PRR11: variants seen among roughly 807,000 people sequenced by gnomAD.
PRR11 encodes proline-rich protein 11.
In PRR11, 30 loss-of-function variants were observed where a neutral mutation model predicts 45.6. That is an observed-to-expected ratio of 0.66 (90% CI 0.49 to 0.89). The LOEUF is 0.89. Among genes scored for constraint, PRR11 ranks in the 40% least tolerant of loss-of-function variants. The pLI, the probability that PRR11 is intolerant of heterozygous loss-of-function variation, is 0.00. For synonymous variants in PRR11, 128 were observed against 153.5 expected (o/e 0.83, Z 1.23); for missense variants, 373 against 424.8 (o/e 0.88, Z 1.07).
chr17:59,199,939 C>A (rs1198577919), intron 9 of PRR11, among the ~76,000 whole-genome samples: 2 of 152,182 alleles, frequency 1.3e-5, no homozygotes, highest in African/African-American at 4.8e-5. Flanking sequence ...AGGGCAGGAG[C>A]AAAGGGACGA....
At chr17:59,182,839 G>A (rs1276394219) in intron 2 of PRR11, among the ~76,000 whole-genome samples, 1 of 152,148 alleles carries the variant, frequency 6.6e-6, no homozygotes, top group East Asian at 1.9e-4. Flanking sequence ...TCCTGGGGGT[G>A]CGGTTGATGG....
intron 2 of PRR11, among the ~76,000 whole-genome samples, chr17:59,176,198 G>A (rs1284891789): frequency 1.3e-5 from 2 of 152,166 alleles, no homozygotes; most frequent in Non-Finnish European, 2.9e-5. Context: ...GAGGGCATTT[G>A]GAAAGAGCGG....
chr17:59,182,022 A>G (rs1454338616), intron 2 of PRR11, among the ~76,000 whole-genome samples: 1 of 96,088 alleles, frequency 1.0e-5, no homozygotes, highest in South Asian at 3.4e-4. Flanking sequence ...TTTTTTTGTT[A>G]TTGGTTTTTT....
At chr17:59,184,593 G>C (rs8066918) in intron 2 of PRR11, among the ~76,000 whole-genome samples, 9 of 152,180 alleles carry the variant, frequency 5.9e-5, no homozygotes, top group Admixed American at 1.3e-4. Flanking sequence ...TGCTATGGAA[G>C]TCCCATTGGT....
chr17:59,178,015 A>AG (rs2046758300), intron 2 of PRR11, among the ~76,000 whole-genome samples: 1 of 151,738 alleles, frequency 6.6e-6, no homozygotes, highest in Non-Finnish European at 1.5e-5. Flanking sequence ...AAAAAAAAAA[A>AG]AACAGGTGGG....
intron 4 of PRR11, among the ~76,000 whole-genome samples, chr17:59,189,171 A>G (rs1195630962): frequency 6.6e-6 from 1 of 150,674 alleles, no homozygotes; most frequent in East Asian, 2.0e-4. Context: ...GTGGTGGCGC[A>G]TGTCCATAGT....
chr17:59,162,123 G>A (rs2046655468), intron 1 of PRR11, among the ~76,000 whole-genome samples: 1 of 152,050 alleles, frequency 6.6e-6, no homozygotes, highest in African/African-American at 2.4e-5. Context: ...TACCCTGACA[G>A]ATTTTGCATG....
intron 2 of PRR11, among the ~76,000 whole-genome samples, chr17:59,174,317 T>A (rs1389225907): frequency 6.6e-6 from 1 of 152,142 alleles, no homozygotes; most frequent in Non-Finnish European, 1.5e-5. Context: ...AAACCCTGAG[T>A]CCAGAAGCCT....
At chr17:59,165,794 A>T (rs1180335252) in intron 1 of PRR11, among the ~76,000 whole-genome samples, 1 of 151,524 alleles carries the variant, frequency 6.6e-6, no homozygotes, top group East Asian at 1.9e-4. Flanking sequence ...CTCTGTCTCA[A>T]AAAAAAAACA....
chr17:59,179,812 G>A (rs1347986036), intron 2 of PRR11: 8 of 1,352,304 alleles, frequency 5.9e-6, no homozygotes, highest in South Asian at 2.3e-5. Context: ...CCTCAGATTC[G>A]TCCGACCACT....
rs151147235 is a variant in PRR11, at chr17:59,183,816, A to T, written c.129-1238A>T. Among the ~76,000 whole-genome samples, 463 of 152,300 alleles carry T rather than the reference A, an allele frequency of 3.0e-3. 4 individuals carry two copies. Among genetic ancestry groups the T allele is most frequent in the Non-Finnish European group, 4.6e-3 (314 of 68,026 alleles). ...CAAAAAGACTAAGTCGAAAAATCTCAGCTGTGCACAGTGGCTCATGTTTGT... is the reference window on the plus strand; with the variant it reads ...CAAAAAGACTAAGTCGAAAAATCTCTGCTGTGCACAGTGGCTCATGTTTGT... On this transcript the variant is annotated intron_variant, in intron 2 of 9. Transcript: ENST00000262293.
intron 1 of PRR11, among the ~76,000 whole-genome samples, chr17:59,164,837 C>T (rs1466029962): frequency 6.6e-6 from 1 of 151,596 alleles, no homozygotes; most frequent in East Asian, 1.9e-4. Context: ...CAAGATCATG[C>T]CACTGCATTC....
At chr17:59,195,231 T>G (rs949221191) in intron 6 of PRR11, 100 bp from the exon 7 acceptor site, 2 of 878,380 alleles carry the variant, frequency 2.3e-6, no homozygotes, top group Non-Finnish European at 3.7e-6. Flanking sequence ...GGATATATCT[T>G]ACACAAACTC....
At chr17:59,156,055 G>A (rs2046621741) in intron 1 of PRR11, among the ~76,000 whole-genome samples, 1 of 152,098 alleles carries the variant, frequency 6.6e-6, no homozygotes, top group Non-Finnish European at 1.5e-5. Flanking sequence ...CCTTCCTTTT[G>A]AACATTTCTT....
At chr17:59,167,861 T>C (rs983058978) in intron 1 of PRR11, among the ~76,000 whole-genome samples, 3 of 152,200 alleles carry the variant, frequency 2.0e-5, no homozygotes, top group African/African-American at 7.2e-5. Context: ...GCCACGTTCT[T>C]TACTGCATCC....
chr17:59,172,557 T>C (rs374019217), intron 2 of PRR11, among the ~76,000 whole-genome samples: 1 of 152,120 alleles, frequency 6.6e-6, no homozygotes, highest in African/African-American at 2.4e-5. Context: ...GGCTGCGCGC[T>C]GCGCTTGCAT....
At chr17:59,162,515 C>CA (rs1045158716) in intron 1 of PRR11, among the ~76,000 whole-genome samples, 12 of 150,312 alleles carry the variant, frequency 8.0e-5, no homozygotes, top group South Asian at 2.1e-4. Context: ...AAAGAAATAA[C>CA]AAAAAAAAAT....
At chr17:59,193,387 G>T in intron 4 of PRR11, 105 bp from the exon 5 acceptor site, 1 of 1,360,832 alleles carries the variant, frequency 7.3e-7, no homozygotes, top group Admixed American at 1.9e-5. Context: ...CACATGGTAC[G>T]CTGAGAAAGC....
chr17:59,197,718 A>C lies in PRR11; in HGVS notation c.943A>C (p.Asn315His). The change falls in exon 9 of 10, where the codon AAT becomes CAT. Residue 315 changes from asparagine to histidine, a missense_variant. Transcript: ENST00000262293. ...GAGCCCAGGTGGAACCCCTCTTACC[A>C]ATAAGGAAAATATGGAAACAGGAAC... ...ERSPGGTPLT[N>H]KENMETGTGL... The C allele has an allele frequency of 1.9e-6, 3 of 1,614,046 alleles. No homozygotes were observed. Among genetic ancestry groups the C allele is most frequent in the Non-Finnish European group, 2.5e-6 (3 of 1,180,002 alleles).
Sources: allele counts gnomAD v4.1 joint callset (sites outside exome capture counted in the v4.1 genomes callset), GRCh38; gene constraint gnomAD v4.1.1; transcripts MANE v1.5; gene names NCBI Gene and HGNC (gene_info 2026-07-23, HGNC 2026-07-21).